The following NCOR2 variants were observed in gnomAD, a reference collection of about 807,000 sequenced individuals.
The protein encoded by NCOR2 is CTG repeat protein 26.
A neutral mutation model predicts 262.9 loss-of-function variants in NCOR2; 81 were observed. That is an observed-to-expected ratio of 0.31 (90% CI 0.26 to 0.37). NCOR2 has a LOEUF of 0.37. NCOR2 is among the 10% of genes least tolerant of loss of function. The probability of loss-of-function intolerance (pLI) is 1.00; values close to 1 mark genes in which losing one functional copy is unlikely to be tolerated. For missense variants in NCOR2, 3,385 were observed against 3,621.4 expected (o/e 0.93, Z 1.68); for synonymous variants, 1,659 against 1,559.3 (o/e 1.06, Z -1.51).
chr12:124,346,775 G>A (rs1262846123), exon 31 of NCOR2: 15 of 1,559,528 alleles, frequency 9.6e-6, no homozygotes, highest in African/African-American at 1.4e-5. Context: ...GGGCGGAGGC[G>A]TGCCCTCCCG....
Position 124,378,740 on chromosome 12 carries a change from G to C in NCOR2, c.2020-356C>G, listed in dbSNP as rs1157375516. Among the ~76,000 whole-genome samples, 2 of 152,196 alleles carry C rather than the reference G, an allele frequency of 1.3e-5. No individual in the cohort carries two copies. The highest frequency in any genetic ancestry group is 4.8e-5 in the African/African-American group (2 of 41,446). On this transcript the variant is annotated intron_variant, in intron 17 of 46. Transcript: ENST00000405201. The surrounding 1 kb of genome is among the most constrained non-coding windows in gnomAD (Gnocchi z 4.2). Reference sequence around the variant, plus strand: ...CACCCTGTCAGCTTCATCGGCACACGTGGAGTGAATGAACACAGGAAGCTT... The same window carrying C: ...CACCCTGTCAGCTTCATCGGCACACCTGGAGTGAATGAACACAGGAAGCTT...
intron 16 of NCOR2, among the ~76,000 whole-genome samples, chr12:124,392,270 G>A (rs1360785458): frequency 6.6e-6 from 1 of 152,164 alleles, no homozygotes; most frequent in Non-Finnish European, 1.5e-5. Context: ...TCCAGACCCT[G>A]CCCCTGTGTC....
At chr12:124,427,560 C>T (rs1452898478) in intron 10 of NCOR2, among the ~76,000 whole-genome samples, 1 of 152,180 alleles carries the variant, frequency 6.6e-6, no homozygotes, top group Non-Finnish European at 1.5e-5. Flanking sequence ...CCCGGCCGCC[C>T]ACATCCAACC....
At chr12:124,427,102 C>A (rs142509224) in intron 10 of NCOR2, among the ~76,000 whole-genome samples, 1 of 152,148 alleles carries the variant, frequency 6.6e-6, no homozygotes, top group Non-Finnish European at 1.5e-5. Context: ...GAAATGCAAG[C>A]GCCATAAAGC....
rs1488365189 is a variant in NCOR2, at chr12:124,481,301, C to A, written c.411+2295G>T. The stretch of plus-strand genomic sequence containing the variant: ...TGCCCGAGAGGAACTGGCATCGACA[C>A]CAGTCCCAAGCCCAGACCCAAGTGC... On this transcript the variant is annotated intron_variant, in intron 3 of 46. Coordinates refer to ENST00000405201, the Ensembl canonical transcript of NCOR2. This position sits in a 1 kb window ranked among gnomAD's most constrained non-coding sequence, Gnocchi z 4.6. 6.6e-6 allele frequency among the ~76,000 whole-genome samples: 1 copy of A among 152,096 alleles called. No homozygotes were observed. Among genetic ancestry groups the A allele is most frequent in the Non-Finnish European group, 1.5e-5 (1 of 67,988 alleles).
At chr12:124,465,307 TCCTGA>T (rs2046364593) in intron 5 of NCOR2, among the ~76,000 whole-genome samples, 5 of 152,020 alleles carry the variant, frequency 3.3e-5, no homozygotes, top group African/African-American at 1.2e-4. Flanking sequence ...CATCCACAGA[TCCTGA>T]GTACATTTAG....
At chr12:124,381,411 C>G (rs1034046523) in intron 17 of NCOR2, among the ~76,000 whole-genome samples, 1 of 151,944 alleles carries the variant, frequency 6.6e-6, no homozygotes, top group African/African-American at 2.4e-5. Flanking sequence ...CTACTACATT[C>G]TTCTCATAGC....
At chr12:124,497,850 C>T (rs547523185), upstream of NCOR2, among the ~76,000 whole-genome samples, 4 of 152,354 alleles carry the variant, frequency 2.6e-5, no homozygotes, top group East Asian at 7.7e-4. This position sits in a 1 kb window ranked among gnomAD's most constrained non-coding sequence, Gnocchi z 4.2. Flanking sequence ...CAAGGCACAG[C>T]TAGCCCTGCC....
At chr12:124,350,140 G>A (rs1380282787) in intron 28 of NCOR2, among the ~76,000 whole-genome samples, 1 of 152,202 alleles carries the variant, frequency 6.6e-6, no homozygotes, top group Non-Finnish European at 1.5e-5. Flanking sequence ...CTTCCTGGCA[G>A]GGTCTCCTCG....
chr12:124,543,410 G>C (rs925613079), intron 1 of NCOR2, among the ~76,000 whole-genome samples: 1 of 152,192 alleles, frequency 6.6e-6, no homozygotes, highest in African/African-American at 2.4e-5. Context: ...TCCACTGTCC[G>C]GACCCTGTTT....
intron 1 of NCOR2, among the ~76,000 whole-genome samples, chr12:124,529,479 A>C (rs886067867): frequency 6.6e-6 from 1 of 152,172 alleles, no homozygotes; most frequent in African/African-American, 2.4e-5. Context: ...GTCTCAAAAA[A>C]AATAAAAAAT....
At chr12:124,497,505 G>A (rs565015164), upstream of NCOR2, among the ~76,000 whole-genome samples, 148 of 152,302 alleles carry the variant, frequency 9.7e-4, no homozygotes, top group South Asian at 2.1e-3. The surrounding 1 kb of genome is among the most constrained non-coding windows in gnomAD (Gnocchi z 4.2). Context: ...GTCTAGCCCC[G>A]GGCCTGTCAC....
chr12:124,368,103 G>T (rs1353655517), intron 20 of NCOR2, among the ~76,000 whole-genome samples: 2 of 152,344 alleles, frequency 1.3e-5, no homozygotes, highest in East Asian at 3.9e-4. Flanking sequence ...CTCTGACCAT[G>T]TGACTTAGCC....
At chr12:124,469,020 G>C (rs896287722) in intron 4 of NCOR2, among the ~76,000 whole-genome samples, 1 of 137,848 alleles carries the variant, frequency 7.3e-6, no homozygotes, top group Non-Finnish European at 1.5e-5. Flanking sequence ...ATCCTCATCT[G>C]TCCATGTATG....
rs74994476 is a variant in NCOR2, at chr12:124,413,857, T to C, written c.1482+6100A>G. Among the ~76,000 whole-genome samples, 746 of 152,156 alleles carry C rather than the reference T, an allele frequency of 4.9e-3. 17 individuals carry two copies. The East Asian group carries it at 0.071, about 14-fold the overall frequency. ...AGAGAAAGAGACAGTGGCCAGCTGC[T>C]GTCCCCAGGAGCTGAGGGACACATG... is the stretch of plus-strand genomic sequence containing the variant. On this transcript the variant is annotated intron_variant, in intron 13 of 46. Transcript: ENST00000405201.
At chr12:124,368,723 T>C (rs1382277567) in intron 20 of NCOR2, among the ~76,000 whole-genome samples, 1 of 152,218 alleles carries the variant, frequency 6.6e-6, no homozygotes, top group Non-Finnish European at 1.5e-5. Flanking sequence ...AGGCCCTCCC[T>C]GCCTGACCAG....
At chr12:124,357,847 A>C (rs1044731556) in intron 22 of NCOR2, among the ~76,000 whole-genome samples, 5 of 87,704 alleles carry the variant, frequency 5.7e-5, no homozygotes, top group Middle Eastern at 0.02. Context: ...TGTGTGTGTG[A>C]GTGCATGGAT....
chr12:124,475,081 G>A (rs1376505179), intron 3 of NCOR2, among the ~76,000 whole-genome samples: 32 of 152,122 alleles, frequency 2.1e-4, no homozygotes, highest in Admixed American at 2.1e-3. Context: ...GGGGCCAAGA[G>A]TCTTGGAGTC....
At chr12:124,413,325 C>T (rs146558817) in intron 13 of NCOR2, among the ~76,000 whole-genome samples, 214 of 152,304 alleles carry the variant, frequency 1.4e-3, no homozygotes, top group Non-Finnish European at 2.5e-3. Flanking sequence ...GGGCCAGGCG[C>T]GGCTGATCCC....
Sources: gnomAD v4.1 joint callset for allele counts (sites outside exome capture counted in the v4.1 genomes callset) on GRCh38, gnomAD v4.1.1 for gene constraint, Gnocchi (gnomAD v3.1) non-coding constraint, MANE v1.5 for transcripts, NCBI Gene and HGNC (gene_info 2026-07-23, HGNC 2026-07-21) for gene names.